Variants in CENPW observed in about 807,000 individuals in gnomAD.
CENPW encodes the protein centromere protein W.
CENPW carries 3 observed loss-of-function variants against 11.1 expected under a neutral mutation model. That is an observed-to-expected ratio of 0.27 (90% CI 0.12 to 0.70). CENPW has a LOEUF of 0.70. Among genes scored for constraint, CENPW ranks in the 30% least tolerant of loss-of-function variants. The probability of loss-of-function intolerance (pLI) is 0.77; values close to 1 mark genes in which losing one functional copy is unlikely to be tolerated. For missense variants in CENPW, 100 were observed against 105.6 expected (o/e 0.95, Z 0.23); for synonymous variants, 38 against 42.0 (o/e 0.91, Z 0.37).
the CENPW span, among the ~76,000 whole-genome samples, chr6:126,375,156 G>C: frequency 4.1e-4 from 63 of 152,216 alleles, no homozygotes; most frequent in African/African-American, 1.5e-3. Context: ...GAGATGATCT[G>C]ATGGGAGAGA....
At chr6:126,431,641 T>C in the CENPW span, among the ~76,000 whole-genome samples, 1 of 152,140 alleles carries the variant, frequency 6.6e-6, no homozygotes, top group Non-Finnish European at 1.5e-5. Context: ...ATGCAAACAA[T>C]CTGATTTTTC....
chr6:126,442,898 A>G, the CENPW span, among the ~76,000 whole-genome samples: 1 of 151,164 alleles, frequency 6.6e-6, no homozygotes, highest in Non-Finnish European at 1.5e-5. Flanking sequence ...CGTTTGACAT[A>G]CTTTTTTTTA....
downstream of CENPW, among the ~76,000 whole-genome samples, chr6:126,350,744 T>C (rs751207339): frequency 6.6e-6 from 1 of 152,178 alleles, no homozygotes; most frequent in Non-Finnish European, 1.5e-5. Flanking sequence ...AATATAGTAA[T>C]ACATATATGT....
the CENPW span, among the ~76,000 whole-genome samples, chr6:126,454,406 T>C: frequency 6.6e-6 from 1 of 151,144 alleles, no homozygotes; most frequent in African/African-American, 2.4e-5. Context: ...TAGAAATTAA[T>C]ACTAAGAAAA....
At chr6:126,417,547 A>C in the CENPW span, among the ~76,000 whole-genome samples, 3 of 152,268 alleles carry the variant, frequency 2.0e-5, no homozygotes, top group East Asian at 3.9e-4. Context: ...GGAGGTAATC[A>C]AATAATGGGT....
At chr6:126,365,640 A>T in the CENPW span, among the ~76,000 whole-genome samples, 2 of 152,226 alleles carry the variant, frequency 1.3e-5, no homozygotes, top group Non-Finnish European at 2.9e-5. Context: ...ACACAGAAGC[A>T]GACCATAGCA....
At chr6:126,454,898 A>G in the CENPW span, among the ~76,000 whole-genome samples, 1 of 151,308 alleles carries the variant, frequency 6.6e-6, no homozygotes, top group South Asian at 2.1e-4. Context: ...ATTACTACTG[A>G]CCCCACAGAA....
the CENPW span, among the ~76,000 whole-genome samples, chr6:126,419,170 A>T: frequency 6.6e-6 from 1 of 152,148 alleles, no homozygotes; most frequent in African/African-American, 2.4e-5. Context: ...GAGGTAGATC[A>T]TGTCCTTCTT....
chr6:126,436,066 G>A, the CENPW span, among the ~76,000 whole-genome samples: 1 of 151,974 alleles, frequency 6.6e-6, no homozygotes, highest in South Asian at 2.1e-4. Context: ...CGGGGTCAGT[G>A]TAGGTAAGAA....
At chr6:126,468,449 A>T in the CENPW span, among the ~76,000 whole-genome samples, 3 of 147,250 alleles carry the variant, frequency 2.0e-5, no homozygotes, top group Non-Finnish European at 4.5e-5. Flanking sequence ...AAAAAAGGAG[A>T]AAGAAATGTG....
the CENPW span, among the ~76,000 whole-genome samples, chr6:126,403,551 A>G: frequency 6.6e-6 from 1 of 152,134 alleles, no homozygotes; most frequent in Non-Finnish European, 1.5e-5. Flanking sequence ...TCTTCAATTC[A>G]GTGAAGACAG....
At chr6:126,475,401 A>G in the CENPW span, among the ~76,000 whole-genome samples, 2 of 151,982 alleles carry the variant, frequency 1.3e-5, no homozygotes, top group Admixed American at 1.3e-4. Context: ...ATAGATACAA[A>G]TTTTTTTAAA....
At chr6:126,370,475 C>T in the CENPW span, among the ~76,000 whole-genome samples, 1 of 152,066 alleles carries the variant, frequency 6.6e-6, no homozygotes, top group Non-Finnish European at 1.5e-5. Context: ...AGGTCTTTCA[C>T]CTTCTTGGTT....
the CENPW span, among the ~76,000 whole-genome samples, chr6:126,391,321 A>AT: frequency 2.0e-4 from 31 of 151,686 alleles, 1 homozygote; most frequent in East Asian, 1.3e-3. Flanking sequence ...AGATTATTAG[A>AT]TTTTTTTCCT....
At chr6:126,450,320 T>C in the CENPW span, among the ~76,000 whole-genome samples, 1 of 151,118 alleles carries the variant, frequency 6.6e-6, no homozygotes, top group Non-Finnish European at 1.5e-5. Flanking sequence ...GTAAAGCTCC[T>C]GAAGTCATAA....
the CENPW span, among the ~76,000 whole-genome samples, chr6:126,418,848 G>A: frequency 1.5e-4 from 22 of 146,958 alleles, no homozygotes; most frequent in East Asian, 4.1e-3. Flanking sequence ...GCCGAACACC[G>A]CATGTTCTCA....
the CENPW span, among the ~76,000 whole-genome samples, chr6:126,430,995 T>C: frequency 6.6e-6 from 1 of 152,104 alleles, no homozygotes; most frequent in Non-Finnish European, 1.5e-5. Flanking sequence ...GAATGTTTTA[T>C]AAAATAAGAA....
At chr6:126,399,023 G>T in the CENPW span, among the ~76,000 whole-genome samples, 12 of 152,054 alleles carry the variant, frequency 7.9e-5, no homozygotes, top group East Asian at 2.1e-3. Flanking sequence ...ATTCCATTGT[G>T]TATTTGTACC....
chr6:126,454,079 T>A, the CENPW span, among the ~76,000 whole-genome samples: 2 of 151,468 alleles, frequency 1.3e-5, no homozygotes, highest in Non-Finnish European at 3.0e-5. Flanking sequence ...AAGCAAGCTC[T>A]TAGAGCCCTA....
Sources: allele counts gnomAD v4.1 joint callset (sites outside exome capture counted in the v4.1 genomes callset), GRCh38; gene constraint gnomAD v4.1.1; transcripts MANE v1.5; gene names NCBI Gene and HGNC (gene_info 2026-07-23, HGNC 2026-07-21).